ATXN1: variants seen among roughly 807,000 people sequenced by gnomAD.
ATXN1 encodes the protein ataxin-1.
ATXN1 carries 8 observed loss-of-function variants against 56.4 expected under a neutral mutation model. The ratio of observed to expected loss-of-function variants is 0.14; its 90% CI spans 0.08 to 0.26. The LOEUF (loss-of-function observed/expected upper bound fraction) is 0.26, where lower values mean the gene tolerates loss of function less well. Ranked by LOEUF, ATXN1 falls within the 10% of genes least tolerant of loss-of-function variation. The pLI, the probability that ATXN1 is intolerant of heterozygous loss-of-function variation, is 1.00. For synonymous variants in ATXN1, 514 were observed against 494.6 expected (o/e 1.04, Z -0.52); for missense variants, 987 against 1,106.5 (o/e 0.89, Z 1.53).
intron 6 of ATXN1, among the ~76,000 whole-genome samples, chr6:16,373,247 C>T (rs1053740038): frequency 2.0e-5 from 3 of 152,190 alleles, no homozygotes; most frequent in Non-Finnish European, 4.4e-5. Context: ...TCCGTATAAA[C>T]GTCCTGGCCA....
intron 6 of ATXN1, among the ~76,000 whole-genome samples, chr6:16,378,538 T>TTTAC (rs982404331): frequency 4.7e-5 from 3 of 64,286 alleles, no homozygotes; most frequent in Non-Finnish European, 8.6e-5. Flanking sequence ...CTCTCTTGAC[T>TTTAC]TTATTTATTT....
At chr6:16,735,001 G>A (rs983000396) in intron 2 of ATXN1, among the ~76,000 whole-genome samples, 1 of 152,010 alleles carries the variant, frequency 6.6e-6, no homozygotes, top group African/African-American at 2.4e-5. Flanking sequence ...CTATTTTACT[G>A]TATTTTATTT....
intron 6 of ATXN1, among the ~76,000 whole-genome samples, chr6:16,345,290 T>C (rs904793573): frequency 3.3e-5 from 5 of 152,214 alleles, no homozygotes; most frequent in African/African-American, 9.6e-5. Context: ...AAGTATAATA[T>C]ATTGTGTGAG....
intron 2 of ATXN1, among the ~76,000 whole-genome samples, chr6:16,681,889 G>T (rs1758819689): frequency 6.6e-6 from 1 of 152,116 alleles, no homozygotes; most frequent in African/African-American, 2.4e-5. Context: ...ATATACACGT[G>T]GCAGATACAG....
At chr6:16,554,850 C>T (rs1383766779) in intron 4 of ATXN1, among the ~76,000 whole-genome samples, 1 of 152,222 alleles carries the variant, frequency 6.6e-6, no homozygotes, top group Non-Finnish European at 1.5e-5. Flanking sequence ...CTCAGCCTCC[C>T]AAAGTGCTGA....
intron 4 of ATXN1, among the ~76,000 whole-genome samples, chr6:16,567,360 C>A (rs542601520): frequency 6.6e-6 from 1 of 152,232 alleles, no homozygotes; most frequent in Non-Finnish European, 1.5e-5. Context: ...AGGGAAAGAC[C>A]ATTAAACATG....
intron 4 of ATXN1, among the ~76,000 whole-genome samples, chr6:16,538,509 G>A (rs1761648279): frequency 6.6e-6 from 1 of 151,800 alleles, no homozygotes; most frequent in Admixed American, 6.6e-5. Flanking sequence ...GTATAGATGT[G>A]CCAGGTTGGC....
intron 6 of ATXN1, among the ~76,000 whole-genome samples, chr6:16,387,477 A>G (rs985120972): frequency 1.3e-5 from 2 of 152,210 alleles, no homozygotes; most frequent in Non-Finnish European, 2.9e-5. Context: ...AACTCAGACT[A>G]TGCTTGCTCG....
At chr6:16,322,137 T>C (rs1269976981) in intron 7 of ATXN1, among the ~76,000 whole-genome samples, 1 of 151,898 alleles carries the variant, frequency 6.6e-6, no homozygotes, top group Non-Finnish European at 1.5e-5. Flanking sequence ...GGTGGGAGGA[T>C]CAATTGAGTC....
intron 3 of ATXN1, among the ~76,000 whole-genome samples, chr6:16,593,060 T>G (rs1433761324): frequency 1.3e-5 from 2 of 152,188 alleles, no homozygotes; most frequent in Non-Finnish European, 2.9e-5. Context: ...TACAGAGCAC[T>G]GACTGGTGCA....
chr6:16,534,793 T>C (rs1761567008), intron 4 of ATXN1, among the ~76,000 whole-genome samples: 2 of 152,256 alleles, frequency 1.3e-5, no homozygotes, highest in South Asian at 4.1e-4. Flanking sequence ...TCCATGTCTT[T>C]GCTTCTAGCC....
chr6:16,338,923 A>C (rs1199541643), intron 6 of ATXN1, among the ~76,000 whole-genome samples: 1 of 152,222 alleles, frequency 6.6e-6, no homozygotes, highest in African/African-American at 2.4e-5. Context: ...AACAAGAAGG[A>C]AGGCAATTCA....
intron 6 of ATXN1, among the ~76,000 whole-genome samples, chr6:16,385,424 A>G (rs1758220262): frequency 6.6e-6 from 1 of 152,158 alleles, no homozygotes; most frequent in Non-Finnish European, 1.5e-5. Flanking sequence ...CAGGGGCAGT[A>G]AGCATGGAGA....
At chr6:16,426,268 G>C (rs1451488245) in intron 6 of ATXN1, among the ~76,000 whole-genome samples, 4 of 103,588 alleles carry the variant, frequency 3.9e-5, no homozygotes, top group African/African-American at 1.4e-4. Flanking sequence ...GGAGGAGAGG[G>C]CTGGTGGGGA....
At chr6:16,520,208 T>C (rs549605438) in intron 5 of ATXN1, among the ~76,000 whole-genome samples, 5 of 152,264 alleles carry the variant, frequency 3.3e-5, no homozygotes, top group Middle Eastern at 3.4e-3. Flanking sequence ...CCCAGCCCCA[T>C]TGCATACCAT....
Position 16,328,463 on chromosome 6 carries a change from T to TG in ATXN1, c.-154_-153insC. ...GTGGGTACAATCCGCCAACAGCAGCTCTGGATGCTGGGAAAGGGAAGAGGG... is the reference window on the plus strand; with the variant it reads ...GTGGGTACAATCCGCCAACAGCAGCTGCTGGATGCTGGGAAAGGGAAGAGGG... On this transcript the variant is annotated 5_prime_UTR_variant, in exon 7 of 8. It removes the in-frame stop codon of an upstream open reading frame in the 5' UTR. Coordinates refer to ENST00000436367, the MANE Select transcript of ATXN1 (RefSeq NM_001128164.2). This position sits in a 1 kb window ranked among gnomAD's most constrained non-coding sequence, Gnocchi z 6.2. 1.6e-6 allele frequency: 2 copies of TG among 1,261,336 alleles called. No homozygotes were observed. The highest frequency in any genetic ancestry group is 2.0e-6 in the Non-Finnish European group (2 of 989,856). The allele number at this position is 1,261,336 out of a possible 1,614,324, so 78.1% of individuals were successfully genotyped here.
At chr6:16,604,127 A>T (rs2113783204) in intron 3 of ATXN1, among the ~76,000 whole-genome samples, 1 of 152,200 alleles carries the variant, frequency 6.6e-6, no homozygotes, top group South Asian at 2.1e-4. Flanking sequence ...CTTTTAACCA[A>T]GTCTGCACAT....
At chr6:16,635,874 CG>C (rs1763587379) in intron 3 of ATXN1, among the ~76,000 whole-genome samples, 1 of 54,334 alleles carries the variant, frequency 1.8e-5, no homozygotes, top group Non-Finnish European at 6.5e-5. Flanking sequence ...CACAAAGCGA[CG>C]ACGCCCACTG....
intron 5 of ATXN1, among the ~76,000 whole-genome samples, chr6:16,496,234 T>A (rs751296314): frequency 1.3e-5 from 2 of 152,216 alleles, no homozygotes; most frequent in Non-Finnish European, 2.9e-5. Context: ...GGAGGCTTCA[T>A]AAAAGCATTC....
Sources: gnomAD v4.1 joint callset for allele counts (sites outside exome capture counted in the v4.1 genomes callset) on GRCh38, gnomAD v4.1.1 for gene constraint, Gnocchi (gnomAD v3.1) non-coding constraint, MANE v1.5 for transcripts, NCBI Gene and HGNC (gene_info 2026-07-23, HGNC 2026-07-21) for gene names.